Variants in DHX36 observed in about 807,000 individuals in gnomAD.
The protein encoded by DHX36 is ATP-dependent DNA/RNA helicase DHX36.
Under a neutral mutation model 139.0 loss-of-function variants are expected in DHX36, and 50 were observed. That is an observed-to-expected ratio of 0.36 (90% CI 0.29 to 0.46). DHX36 has a LOEUF of 0.46. DHX36 is among the 20% of genes least tolerant of loss of function. DHX36 has a pLI of 1.00. For synonymous variants in DHX36, 425 were observed against 401.9 expected (o/e 1.06, Z -0.69); for missense variants, 1,024 against 1,211.3 (o/e 0.85, Z 2.29).
At position 154,303,526 on chromosome 3, in the gene DHX36, G is replaced by A. The variant is rs530838237; in HGVS notation, c.1136-116C>T. On this transcript the variant is annotated intron_variant, in intron 8 of 24. Transcript: ENST00000496811. Reference sequence around the variant, plus strand: ...ACTATTAATTCCAGAAAATGGTCCTGTAGCTTTTACAATTCTACCCTACTT... The same window carrying A: ...ACTATTAATTCCAGAAAATGGTCCTATAGCTTTTACAATTCTACCCTACTT... The A allele has an allele frequency of 2.3e-4, 166 of 724,482 alleles. 1 individual carries two copies. In the African/African-American group the frequency reaches 2.6e-3, roughly 11 times the overall value. 44.9% of individuals were successfully genotyped at this position (724,482 alleles called of 1,614,324 possible).
chr3:154,317,986 G>A (rs1168523914), intron 1 of DHX36, among the ~76,000 whole-genome samples: 3 of 152,030 alleles, frequency 2.0e-5, no homozygotes, highest in Non-Finnish European at 4.4e-5. Flanking sequence ...AAAATAGCTG[G>A]TCACAACAAA....
At chr3:154,310,993 CAGA>C (rs1215946286) in intron 4 of DHX36, among the ~76,000 whole-genome samples, 2 of 150,348 alleles carry the variant, frequency 1.3e-5, no homozygotes, top group Non-Finnish European at 3.0e-5. Context: ...TTCATCCAAT[CAGA>C]AGTTTATTTA....
Position 154,275,442 on chromosome 3 carries a change from G to A in DHX36, c.*729C>T, listed in dbSNP as rs769070756. 1 of 135,656 alleles carries A rather than the reference G, an allele frequency of 7.4e-6. No individual in the cohort carries two copies. Among genetic ancestry groups the A allele is most frequent in the Non-Finnish European group, 1.6e-5 (1 of 64,460 alleles). 8.4% of individuals were successfully genotyped at this position (135,656 alleles called of 1,614,324 possible). A position where few individuals can be genotyped will look rare whatever the true frequency, so the allele number is the denominator to read the frequency against. ...AGATGTGGAATGCATGGATATGAAG[G>A]GCCAACTGTATCTTACAAGATAAGG... is the stretch of plus-strand genomic sequence containing the variant. On this transcript the variant is annotated 3_prime_UTR_variant, in exon 25 of 25. Transcript: ENST00000496811.
chr3:154,322,034 CAA>C (rs924242866), intron 1 of DHX36, among the ~76,000 whole-genome samples: 3 of 151,604 alleles, frequency 2.0e-5, no homozygotes, highest in African/African-American at 7.3e-5. Context: ...TAAAGGTGGT[CAA>C]AGAAGAGCTG....
At position 154,284,619 on chromosome 3, in the gene DHX36, A is replaced by C; in HGVS notation, c.2256T>G (p.Thr752=). 1 of 1,612,742 alleles carries C rather than the reference A, an allele frequency of 6.2e-7. No homozygotes were observed. The highest frequency in any genetic ancestry group is 1.1e-5 in the South Asian group (1 of 90,758). ...DARRKELAKD[T]RSDHLTVVNA... ...TCACAACTGTTAAGTGATCACTTCT[A>C]GTATCCTTTGCCAATTCCTTTCTTC... Residue 752 remains threonine (T), a synonymous_variant, in exon 19 of 25, where the codon ACT becomes ACG. Coordinates refer to ENST00000496811, the MANE Select transcript of DHX36 (RefSeq NM_020865.3).
intron 15 of DHX36, among the ~76,000 whole-genome samples, chr3:154,290,668 G>A (rs1210820865): frequency 1.3e-5 from 2 of 150,774 alleles, no homozygotes; most frequent in Admixed American, 6.6e-5. Flanking sequence ...ATGTGAAGAG[G>A]TGACCATATT....
Position 154,306,284 on chromosome 3 carries a change from T to C in DHX36, c.825A>G (p.Arg275=). Residue 275 remains arginine, a synonymous_variant, in exon 6 of 25, where the codon AGA becomes AGG. Coordinates refer to ENST00000496811, the MANE Select transcript of DHX36 (RefSeq NM_020865.3). ...AAGATTCTGCCCTTTCTGCAGCTAC[T>C]CTTTCCGCAACCTTTAATTCAAATA... The part of the protein sequence containing the change: ...RRISAISVAE[R]VAAERAESCG... 6.2e-7 allele frequency: 1 copy of C among 1,613,238 alleles called. No individual in the cohort carries two copies. The highest frequency in any genetic ancestry group is 2.2e-5 in the East Asian group (1 of 44,820).
chr3:154,308,178 T>C lies in DHX36; in HGVS notation c.813+1475A>G, dbSNP rs555128282. Among the ~76,000 whole-genome samples, 14 of 152,306 alleles carry C rather than the reference T, an allele frequency of 9.2e-5. No homozygotes were observed. The South Asian group carries it at 2.9e-3, about 32-fold the overall frequency. On this transcript the variant is annotated intron_variant, in intron 5 of 24. Coordinates refer to ENST00000496811, the MANE Select transcript of DHX36 (RefSeq NM_020865.3). ...TCTCACTTAACCACTACACAACCTA[T>C]GCATGTAACAAAATTGCACTTGTAT...
Position 154,304,810 on chromosome 3 carries a change from A to G in DHX36, c.1131T>C (p.Tyr377=), listed in dbSNP as rs1334692907. Residue 377 remains tyrosine, a synonymous_variant, in exon 8 of 25, where the codon TAT becomes TAC. Coordinates refer to ENST00000496811, the MANE Select transcript of DHX36 (RefSeq NM_020865.3). The stretch of plus-strand genomic sequence containing the variant: ...ATAACTATACATTTTACTCACCAAA[A>G]TATTCTGAAAACTTTTCTGCATTCA... The part of the protein sequence containing the change: ...ATLNAEKFSE[Y]FGNCPMIHIP... 1.3e-6 allele frequency: 2 copies of G among 1,552,076 alleles called. No individual in the cohort carries two copies. Among genetic ancestry groups the G allele is most frequent in the Admixed American group, 2.1e-5 (1 of 46,532 alleles).
At chr3:154,316,695 T>A (rs148888261) in intron 1 of DHX36, among the ~76,000 whole-genome samples, 1 of 152,030 alleles carries the variant, frequency 6.6e-6, no homozygotes, top group East Asian at 1.9e-4. Context: ...ATGACGCAGT[T>A]GCTTCAAAGA....
At chr3:154,276,436 G>A in intron 24 of DHX36, 80 bp from the exon 25 acceptor site, 1 of 1,309,676 alleles carries the variant, frequency 7.6e-7, no homozygotes, top group Non-Finnish European at 1.1e-6. Context: ...TAATTTACCT[G>A]ATACAAGGAG....
intron 9 of DHX36, among the ~76,000 whole-genome samples, chr3:154,302,224 CAAG>C (rs1176283905): frequency 6.6e-6 from 1 of 152,104 alleles, no homozygotes; most frequent in Non-Finnish European, 1.5e-5. Flanking sequence ...AAAGCATGTT[CAAG>C]AAGAAAGTTC....
chr3:154,276,875 C>T lies in DHX36; in HGVS notation c.2713G>A (p.Val905Ile), dbSNP rs760538965. The T allele has an allele frequency of 6.2e-7, 1 of 1,613,494 alleles. No homozygotes were observed. Among genetic ancestry groups the T allele is most frequent in the Admixed American group, 1.7e-5 (1 of 59,896 alleles). Reference sequence around the variant, plus strand: ...AAAAACAAGAGACAGTATGGGGAAACCTCTGTGCAGTCATACAAGTATATC... The same window carrying T: ...AAAAACAAGAGACAGTATGGGGAAATCTCTGTGCAGTCATACAAGTATATC... ...SSIYLYDCTE[V>I]SPYCLLFFGG... The change falls in exon 24 of 25, where the codon GTT becomes ATT. Residue 905 changes from valine (V) to isoleucine (I), a missense_variant. Val to Ile is a conservative substitution (Grantham distance 29, BLOSUM62 3). Around this residue, in one of 4 missense-constraint regions of DHX36, gnomAD observed 470 missense variants for 616.2 expected, o/e 0.76. Transcript: ENST00000496811.
At chr3:154,297,968 G>A (rs1443786573) in intron 12 of DHX36, among the ~76,000 whole-genome samples, 1 of 152,070 alleles carries the variant, frequency 6.6e-6, no homozygotes, top group East Asian at 1.9e-4. Flanking sequence ...TCTCAGCACA[G>A]AGTTAGGCCA....
At chr3:154,321,919 T>A in intron 1 of DHX36, among the ~76,000 whole-genome samples, 1 of 112,262 alleles carries the variant, frequency 8.9e-6, no homozygotes, top group Non-Finnish European at 1.7e-5. Flanking sequence ...AGAGTGAGAC[T>A]CCAACTCAAA....
rs1712921325 is a variant in DHX36 at position 154,315,177 on chromosome 3, T to C, written c.472A>G (p.Arg158Gly). The C allele has an allele frequency of 1.2e-6, 2 of 1,613,572 alleles. No individual in the cohort carries two copies. The highest frequency in any genetic ancestry group is 1.7e-6 in the Non-Finnish European group (2 of 1,179,654). Residue 158 changes from arginine to glycine, a missense_variant, in exon 3 of 25, where the codon AGG (arginine) becomes GGG (glycine). By Grantham distance (125) the Arg-to-Gly change is moderately radical. Coordinates refer to ENST00000496811, the MANE Select transcript of DHX36 (RefSeq NM_020865.3). ...TCTCGGTCAATATATGATCTGTTCC[T>C]GATTCTAAACATTTTTTTTTCTTGA... ...INQEKKMFRI[R>G]NRSYIDRDSE...
chr3:154,316,636 A>C (rs1712994697), intron 1 of DHX36, among the ~76,000 whole-genome samples: 1 of 152,138 alleles, frequency 6.6e-6, no homozygotes, highest in African/African-American at 2.4e-5. Flanking sequence ...TGAGCTCAGA[A>C]GGAGTAAATA....
At chr3:154,310,387 T>C (rs1378167411) in intron 4 of DHX36, among the ~76,000 whole-genome samples, 1 of 152,136 alleles carries the variant, frequency 6.6e-6, no homozygotes, top group African/African-American at 2.4e-5. Flanking sequence ...TTTTTAATAA[T>C]AATATTCACT....
At chr3:154,317,571 C>T (rs1713033225) in intron 1 of DHX36, among the ~76,000 whole-genome samples, 2 of 151,914 alleles carry the variant, frequency 1.3e-5, no homozygotes, top group African/African-American at 2.4e-5. Flanking sequence ...AGTGAGAAAA[C>T]CACTCCTATG....
Sources: allele counts gnomAD v4.1 joint callset (sites outside exome capture counted in the v4.1 genomes callset), GRCh38; gene constraint gnomAD v4.1.1; regional missense constraint gnomAD v4.1.1; transcripts MANE v1.5; gene names NCBI Gene and HGNC (gene_info 2026-07-23, HGNC 2026-07-21).